Variants in LPIN3 observed in about 807,000 individuals in gnomAD.
LPIN3 encodes lipin 3.
In LPIN3, 82 loss-of-function variants were observed where a neutral mutation model predicts 94.7. That is an observed-to-expected ratio of 0.87 (90% CI 0.72 to 1.04). The LOEUF (loss-of-function observed/expected upper bound fraction) is 1.04. Among genes scored for constraint, LPIN3 ranks in the 50% least tolerant of loss-of-function variants. LPIN3 has a pLI of 0.00. For synonymous variants in LPIN3, 418 were observed against 443.3 expected (o/e 0.94, Z 0.72); for missense variants, 996 against 1,090.5 (o/e 0.91, Z 1.22).
chr20:41,350,450 G>T, intron 7 of LPIN3, 53 bp downstream of exon 7: 1 of 1,415,098 alleles, frequency 7.1e-7, no homozygotes, highest in South Asian at 1.4e-5. Context: ...TCTGTCCCCT[G>T]GGTGGGTGCT....
intron 1 of LPIN3, among the ~76,000 whole-genome samples, chr20:41,343,110 CT>C (rs2045648424): frequency 6.6e-6 from 1 of 152,216 alleles, no homozygotes; most frequent in African/African-American, 2.4e-5. Flanking sequence ...AGGGATGCTG[CT>C]GAATATCCTA....
intron 2 of LPIN3, among the ~76,000 whole-genome samples, chr20:41,346,213 A>G (rs1412204956): frequency 6.6e-6 from 1 of 152,220 alleles, no homozygotes. Flanking sequence ...GAAACAGACC[A>G]GTAGGGCTCA....
chr20:41,342,994 A>G (rs1049673004), intron 1 of LPIN3, among the ~76,000 whole-genome samples: 1 of 152,064 alleles, frequency 6.6e-6, no homozygotes, highest in Non-Finnish European at 1.5e-5. Flanking sequence ...AGCTGGGGGC[A>G]ATTTTGTCCC....
chr20:41,344,827 G>T (rs1047602734), intron 1 of LPIN3, among the ~76,000 whole-genome samples: 3 of 152,220 alleles, frequency 2.0e-5, no homozygotes, highest in African/African-American at 4.8e-5. Flanking sequence ...GGTCTGAGGA[G>T]CTGGGGTTAG....
chr20:41,357,520 T>A, intron 16 of LPIN3, 73 bp downstream of exon 16: 3 of 1,350,322 alleles, frequency 2.2e-6, no homozygotes, highest in Non-Finnish European at 3.1e-6. Flanking sequence ...GGACAGGACA[T>A]CTTGGGGACC....
intron 1 of LPIN3, among the ~76,000 whole-genome samples, chr20:41,342,206 G>T (rs986451918): frequency 6.6e-6 from 1 of 152,154 alleles, no homozygotes. Flanking sequence ...TGAGACTGAG[G>T]GTCAGAGAGA....
intron 1 of LPIN3, among the ~76,000 whole-genome samples, chr20:41,342,613 G>A (rs1483474100): frequency 6.6e-6 from 1 of 152,174 alleles, no homozygotes; most frequent in Non-Finnish European, 1.5e-5. Flanking sequence ...TAAGGGATAG[G>A]TGAAGACAGA....
intron 2 of LPIN3, 44 bp from the exon 3 acceptor site, chr20:41,347,508 T>C (rs929257010): frequency 1.2e-5 from 19 of 1,588,370 alleles, no homozygotes; most frequent in Non-Finnish European, 1.6e-5. Context: ...GTCGGAAGCA[T>C]GGGCGTGAAG....
rs1422296359 is a variant in LPIN3 at position 41,354,836 on chromosome 20, A to G, written c.1637A>G (p.Glu546Gly). ...FLAEERSAQK[E>G]KTAAKEQQGE... is the part of the protein sequence containing the mutation. The stretch of plus-strand genomic sequence containing the variant: ...TTTCCACAGCGCAGTGCCCAGAAGG[A>G]GAAGACTGCAGCCAAGGAGCAGCAG... Residue 546 changes from glutamate (E) to glycine (G), a missense_variant, in exon 13 of 20, where the codon GAG (glutamate) becomes GGG (glycine). Coordinates refer to ENST00000373257, the MANE Select transcript of LPIN3 (RefSeq NM_022896.3). 2 of 1,586,822 alleles carry G rather than the reference A, an allele frequency of 1.3e-6. No individual in the cohort carries two copies. The highest frequency in any genetic ancestry group is 2.7e-5 in the African/African-American group (2 of 74,244).
rs749212079 is a variant in LPIN3, at chr20:41,352,183, C to A, written c.1326C>A (p.Leu442=). ...LDTVDTIALS[L]CGGLADSRDI... is the part of the protein sequence containing the mutation. ...CAGTGGATACAATAGCACTGTCCCT[C>A]TGTGGTGGACTGGCTGACAGCCGGG... The change falls in exon 9 of 20, where the codon CTC becomes CTA. Residue 442 remains leucine (L), a synonymous_variant. Coordinates refer to ENST00000373257, the MANE Select transcript of LPIN3 (RefSeq NM_022896.3). 34 of 1,614,098 alleles carry A rather than the reference C, an allele frequency of 2.1e-5. No individual in the cohort carries two copies. The highest frequency in any genetic ancestry group is 2.7e-5 in the Non-Finnish European group (32 of 1,180,050).
chr20:41,342,820 A>G (rs1358840714), intron 1 of LPIN3, among the ~76,000 whole-genome samples: 7 of 152,192 alleles, frequency 4.6e-5, no homozygotes, highest in Admixed American at 3.9e-4. Flanking sequence ...CTCCCGTGAC[A>G]TTAGATCTGA....
intron 1 of LPIN3, among the ~76,000 whole-genome samples, chr20:41,342,872 G>A (rs1477093637): frequency 6.6e-6 from 1 of 152,184 alleles, no homozygotes; most frequent in African/African-American, 2.4e-5. Context: ...TTCACAGAAG[G>A]GGAAACTGAG....
At position 41,349,075 on chromosome 20, in the gene LPIN3, T is replaced by C. The variant is rs1181894531; in HGVS notation, c.558-17T>C. On this transcript the variant is annotated splice_polypyrimidine_tract_variant and intron_variant, in intron 4 of 19. Coordinates refer to ENST00000373257, the MANE Select transcript of LPIN3 (RefSeq NM_022896.3). The stretch of plus-strand genomic sequence containing the variant: ...TCCTGCCTGATCAGTGACCATTTCC[T>C]TGTGGCCCCTTAGCAGTGTCCAGTT... The C allele has an allele frequency of 8.1e-6, 13 of 1,613,824 alleles. No individual in the cohort carries two copies. Among genetic ancestry groups the C allele is most frequent in the African/African-American group, 6.7e-5 (5 of 74,924 alleles).
intron 1 of LPIN3, among the ~76,000 whole-genome samples, chr20:41,341,410 G>A (rs1158533814): frequency 2.0e-5 from 3 of 152,122 alleles, no homozygotes; most frequent in East Asian, 1.9e-4. Flanking sequence ...CTGGGGTGGC[G>A]CTTTCTCTCT....
At chr20:41,350,031 C>G in intron 6 of LPIN3, 24 bp from the exon 7 acceptor site, 1 of 1,573,162 alleles carries the variant, frequency 6.4e-7, no homozygotes, top group South Asian at 1.2e-5. Flanking sequence ...TGGCCCACAT[C>G]TTCCTCCATT....
In LPIN3 at chr20:41,354,719, G is replaced by A. The variant is rs1458988791; in HGVS notation, c.1602G>A (p.Arg534=). The change falls in exon 12 of 20, where the codon AGG becomes AGA. Residue 534 remains arginine, a synonymous_variant. Transcript: ENST00000373257. ...GGRWWFSWRR[R]DFLAEERSAQ... Reference sequence around the variant, plus strand: ...GATGGTGGTTTTCCTGGCGACGCAGGGACTTCCTGGCCGAGGAGGTGGGTG... The same window carrying A: ...GATGGTGGTTTTCCTGGCGACGCAGAGACTTCCTGGCCGAGGAGGTGGGTG... 2 of 1,607,854 alleles carry A rather than the reference G, an allele frequency of 1.2e-6. No homozygotes were observed. Among genetic ancestry groups the A allele is most frequent in the Admixed American group, 1.7e-5 (1 of 59,524 alleles).
chr20:41,345,676 A>G (rs6129820), intron 1 of LPIN3, 120 bp from the exon 2 acceptor site: 339,034 of 1,057,838 alleles, frequency 0.32, 64,235 homozygotes, highest in East Asian at 0.8. Flanking sequence ...CCATCTGTGC[A>G]AAGGCACTCC....
chr20:41,358,294 G>A lies in LPIN3; in HGVS notation c.2250G>A (p.Gln750=). 1 of 1,614,122 alleles carries A rather than the reference G, an allele frequency of 6.2e-7. No homozygotes were observed. The highest frequency in any genetic ancestry group is 1.7e-5 in the Admixed American group (1 of 60,014). ...AGGTCGCCTGCCTGAGTGACATCCA[G>A]CAGCTGTTTCTGCCCCACGGACAGC... The part of the protein sequence containing the change: ...VFKVACLSDI[Q]QLFLPHGQPF... Residue 750 remains glutamine, a synonymous_variant, in exon 18 of 20, where the codon CAG becomes CAA. Transcript: ENST00000373257.
rs542110634 is a variant in LPIN3 at position 41,349,808 on chromosome 20, G to C, written c.673G>C (p.Asp225His). The C allele has an allele frequency of 6.2e-6, 10 of 1,613,444 alleles. No individual in the cohort carries two copies. In the African/African-American group the frequency reaches 9.3e-5, roughly 15 times the overall value. Residue 225 changes from aspartate (D) to histidine (H), a missense_variant, in exon 6 of 20, where the codon GAC becomes CAC. Transcript: ENST00000373257. ...AGGTGAGCTAACATCCCCTAAGAGC[G>C]ACTCGGAGCTGGAGGTGCGGACCCC... ...SAGELTSPKS[D>H]SELEVRTPEP...
Sources: allele counts gnomAD v4.1 joint callset (sites outside exome capture counted in the v4.1 genomes callset), GRCh38; gene constraint gnomAD v4.1.1; transcripts MANE v1.5; gene names NCBI Gene and HGNC (gene_info 2026-07-23, HGNC 2026-07-21).